ZFHX3: variants seen among roughly 807,000 people sequenced by gnomAD.
ZFHX3 encodes zinc finger homeobox protein 3.
A neutral mutation model predicts 279.1 loss-of-function variants in ZFHX3; 42 were observed. The observed-to-expected ratio is 0.15, with a 90% CI of 0.12 to 0.19. ZFHX3 has a LOEUF of 0.19. Among genes scored for constraint, ZFHX3 ranks in the 10% least tolerant of loss-of-function variants. ZFHX3 has a pLI of 1.00. For missense variants in ZFHX3, 4,981 were observed against 4,754.0 expected, an observed-to-expected ratio of 1.05 and a Z score of -1.40; for synonymous variants, 2,293 against 1,957.8, an observed-to-expected ratio of 1.17 and a Z score of -4.52.
chr16:73,664,935 T>C (rs1231381754), intron 2 of ZFHX3, among the ~76,000 whole-genome samples: 1 of 152,138 alleles, frequency 6.6e-6, no homozygotes, highest in Non-Finnish European at 1.5e-5. Flanking sequence ...AAATATGTAA[T>C]GGGATAAACA....
intron 2 of ZFHX3, among the ~76,000 whole-genome samples, chr16:73,602,722 A>ATGCC (rs2052131692): frequency 6.6e-6 from 1 of 151,440 alleles, no homozygotes; most frequent in African/African-American, 2.4e-5. Context: ...TCAGGGGGGC[A>ATGCC]GATCACGAGG....
intron 1 of ZFHX3, among the ~76,000 whole-genome samples, chr16:73,681,434 C>T (rs543315147): frequency 1.3e-5 from 2 of 152,028 alleles, no homozygotes; most frequent in African/African-American, 2.4e-5. Flanking sequence ...TTATAGTTAT[C>T]GGAAACATGG....
intron 1 of ZFHX3, among the ~76,000 whole-genome samples, chr16:73,767,257 C>T (rs2053960763): frequency 6.6e-6 from 1 of 152,096 alleles, no homozygotes; most frequent in African/African-American, 2.4e-5. Context: ...CTTTTAATGG[C>T]AGAAACTGCA....
chr16:73,723,572 G>C (rs1377488679), intron 1 of ZFHX3, among the ~76,000 whole-genome samples: 1 of 151,924 alleles, frequency 6.6e-6, no homozygotes, highest in East Asian at 1.9e-4. Context: ...AAAATGAGAA[G>C]GATATACACC....
chr16:73,003,937 G>T, intron 1 of ZFHX3, among the ~76,000 whole-genome samples: 1 of 126,846 alleles, frequency 7.9e-6, no homozygotes. Context: ...CCAGATCAGG[G>T]TATTTGCTTT....
At chr16:73,601,572 T>C (rs2052118911) in intron 2 of ZFHX3, among the ~76,000 whole-genome samples, 1 of 152,152 alleles carries the variant, frequency 6.6e-6, no homozygotes, top group Admixed American at 6.5e-5. Context: ...GCAGAAAATA[T>C]GTTTATGATT....
chr16:73,402,711 T>C (rs1257057896), intron 3 of ZFHX3, among the ~76,000 whole-genome samples: 6 of 152,310 alleles, frequency 3.9e-5, no homozygotes, highest in African/African-American at 1.2e-4. Context: ...TAATACCTTT[T>C]TTAAAGCAGG....
At chr16:73,680,132 G>A (rs1286448732) in intron 2 of ZFHX3, 1 of 152,070 alleles carries the variant, frequency 6.6e-6, no homozygotes, top group Non-Finnish European at 1.5e-5. Flanking sequence ...CTGAAGAAAA[G>A]TCCATGGATA....
intron 1 of ZFHX3, among the ~76,000 whole-genome samples, chr16:73,739,458 CA>C (rs1285688542): frequency 6.6e-6 from 1 of 152,116 alleles, no homozygotes; most frequent in Non-Finnish European, 1.5e-5. Flanking sequence ...TTATAACAGT[CA>C]AAAATGTCCC....
At chr16:73,562,465 G>C (rs543083334) in intron 2 of ZFHX3, among the ~76,000 whole-genome samples, 9 of 151,956 alleles carry the variant, frequency 5.9e-5, no homozygotes, top group Non-Finnish European at 1.0e-4. Context: ...GCGTGGTAGC[G>C]TGCGCCTGTA....
rs2035921386 is a variant in ZFHX3 at position 72,796,730 on chromosome 16, C to T, written c.5952G>A (p.Glu1984=). The change falls in exon 9 of 10, where the codon GAG becomes GAA. Residue 1984 remains glutamate, a synonymous_variant. Coordinates refer to ENST00000268489, the MANE Select transcript of ZFHX3 (RefSeq NM_006885.4). The part of the protein sequence containing the change: ...TDQGENLEKL[E]CDSCGKLFSN... ...AAAACAACTTGCCGCAGGAGTCACA[C>T]TCGAGCTTTTCCAGGTTCTCTCCCT... 3.1e-6 allele frequency: 5 copies of T among 1,613,886 alleles called. No individual in the cohort carries two copies. Among genetic ancestry groups the T allele is most frequent in the Non-Finnish European group, 3.4e-6 (4 of 1,179,976 alleles).
chr16:72,918,139 C>T (rs1597376258), intron 3 of ZFHX3, among the ~76,000 whole-genome samples: 1 of 152,328 alleles, frequency 6.6e-6, no homozygotes, highest in East Asian at 1.9e-4. Context: ...CTGTGATCCA[C>T]ACGAGTGAGG....
intron 2 of ZFHX3, among the ~76,000 whole-genome samples, chr16:73,626,616 G>T (rs561920937): frequency 7.0e-4 from 107 of 152,198 alleles, no homozygotes; most frequent in Non-Finnish European, 9.3e-4. Flanking sequence ...CCAAGGAGTG[G>T]TCTATTGACC....
chr16:73,001,015 T>TAGTC (rs1200929931), intron 1 of ZFHX3, among the ~76,000 whole-genome samples: 3 of 152,244 alleles, frequency 2.0e-5, no homozygotes, highest in Admixed American at 6.5e-5. Context: ...CACCCTTGTG[T>TAGTC]AGTCCCCTCC....
chr16:73,650,353 A>C (rs190748563), intron 2 of ZFHX3, among the ~76,000 whole-genome samples: 5 of 151,552 alleles, frequency 3.3e-5, no homozygotes, highest in African/African-American at 1.2e-4. Context: ...AAAAAAAAAA[A>C]CAAAAACAAA....
At chr16:73,573,193 C>T (rs1188894149) in intron 2 of ZFHX3, among the ~76,000 whole-genome samples, 3 of 152,160 alleles carry the variant, frequency 2.0e-5, no homozygotes, top group African/African-American at 2.4e-5. Flanking sequence ...CTGCCGCAGG[C>T]GCCCCCAGAA....
chr16:72,840,686 C>G (rs1188319809), intron 4 of ZFHX3, among the ~76,000 whole-genome samples: 1 of 152,212 alleles, frequency 6.6e-6, no homozygotes, highest in East Asian at 1.9e-4. Context: ...TGAAGAATCT[C>G]TAACCTATTC....
At chr16:73,350,785 G>C (rs988673092) in intron 3 of ZFHX3, among the ~76,000 whole-genome samples, 2 of 152,244 alleles carry the variant, frequency 1.3e-5, no homozygotes, top group South Asian at 4.1e-4. Flanking sequence ...TGGCTGGTGA[G>C]CAGCTTTGAG....
At chr16:73,560,889 T>C (rs2143788867) in intron 2 of ZFHX3, among the ~76,000 whole-genome samples, 1 of 152,274 alleles carries the variant, frequency 6.6e-6, no homozygotes, top group East Asian at 1.9e-4. Context: ...CTGTTCCTTA[T>C]TTAAAAGACA....
Sources: allele counts gnomAD v4.1 joint callset (sites outside exome capture counted in the v4.1 genomes callset), GRCh38; gene constraint gnomAD v4.1.1; transcripts MANE v1.5; gene names NCBI Gene and HGNC (gene_info 2026-07-23, HGNC 2026-07-21).